Variants in CFAP299 observed in about 807,000 individuals in gnomAD.
The protein encoded by CFAP299 is cilia and flagella associated protein 299.
Under a neutral mutation model 27.0 loss-of-function variants are expected in CFAP299, and 21 were observed. The ratio of observed to expected loss-of-function variants is 0.78; its 90% CI spans 0.55 to 1.12. CFAP299 has a LOEUF of 1.12. CFAP299 is among the 50% of genes most tolerant of loss of function. The pLI is 0.00. For missense variants in CFAP299, 310 were observed against 276.6 expected (o/e 1.12, Z -0.86); for synonymous variants, 104 against 98.1 (o/e 1.06, Z -0.36).
chr4:80,419,163 G>A (rs1727164956), intron 2 of CFAP299, among the ~76,000 whole-genome samples: 1 of 152,192 alleles, frequency 6.6e-6, no homozygotes. Context: ...AAGCTTTAGA[G>A]CAGAAATGAA....
Position 80,532,821 on chromosome 4 carries a change from A to G in CFAP299, c.243-50272A>G, listed in dbSNP as rs180847965. 8.3e-4 allele frequency among the ~76,000 whole-genome samples: 127 copies of G among 152,336 alleles called. 1 individual carries two copies. The highest frequency in any genetic ancestry group is 3.0e-3 in the African/African-American group (124 of 41,578). ...AGTTGCAGACATTGTTCATAAAAGC[A>G]GGAAGAAAACTCTGCAAAGCTAGCA... is the stretch of plus-strand genomic sequence containing the variant. On this transcript the variant is annotated intron_variant, in intron 2 of 5. Coordinates refer to ENST00000358105, the MANE Select transcript of CFAP299 (RefSeq NM_152770.3).
intron 3 of CFAP299, among the ~76,000 whole-genome samples, chr4:80,683,640 G>A: frequency 6.6e-6 from 1 of 152,098 alleles, no homozygotes; most frequent in East Asian, 1.9e-4. Context: ...CTCAAAGTAA[G>A]TCTCTTGTAA....
intron 3 of CFAP299, among the ~76,000 whole-genome samples, chr4:80,644,963 G>A (rs540941849): frequency 1.7e-4 from 26 of 151,976 alleles, no homozygotes; most frequent in Non-Finnish European, 3.5e-4. Context: ...CCGCCTTCTT[G>A]TAAGATTTTA....
chr4:80,502,147 GA>G (rs1303096150), intron 2 of CFAP299, among the ~76,000 whole-genome samples: 3 of 152,086 alleles, frequency 2.0e-5, no homozygotes, highest in Non-Finnish European at 4.4e-5. Flanking sequence ...CTGTGGATCA[GA>G]ATCTAATTTT....
chr4:80,623,077 G>C (rs1738688613), intron 3 of CFAP299, among the ~76,000 whole-genome samples: 1 of 152,030 alleles, frequency 6.6e-6, no homozygotes, highest in Non-Finnish European at 1.5e-5. Flanking sequence ...GATCTCATCA[G>C]GAAGGGAATA....
intron 3 of CFAP299, chr4:80,639,808 G>GGT (rs1739634038): frequency 6.5e-6 from 1 of 153,006 alleles, no homozygotes; most frequent in African/African-American, 2.4e-5. Context: ...GAGTAGCTGG[G>GGT]ATTACAGGCA....
At chr4:80,339,358 T>C (rs1489270786) in intron 1 of CFAP299, among the ~76,000 whole-genome samples, 1 of 152,204 alleles carries the variant, frequency 6.6e-6, no homozygotes, top group Non-Finnish European at 1.5e-5. Context: ...TTTGCTGCCA[T>C]TACCCTGACC....
At chr4:80,826,223 G>A (rs529557782) in intron 3 of CFAP299, among the ~76,000 whole-genome samples, 2 of 151,630 alleles carry the variant, frequency 1.3e-5, no homozygotes, top group African/African-American at 4.8e-5. Context: ...AAGTAGTTAT[G>A]TAATATACAC....
chr4:80,686,893 G>A (rs1435173529), intron 3 of CFAP299, among the ~76,000 whole-genome samples: 1 of 152,074 alleles, frequency 6.6e-6, no homozygotes, highest in Non-Finnish European at 1.5e-5. Context: ...TGACTGATGA[G>A]TCTTATATAC....
intron 3 of CFAP299, among the ~76,000 whole-genome samples, chr4:80,721,572 A>C (rs919677576): frequency 2.0e-5 from 3 of 152,184 alleles, no homozygotes; most frequent in African/African-American, 7.2e-5. Flanking sequence ...TCTATCTCTA[A>C]ATACAATCAT....
At chr4:80,453,503 A>G (rs1728993199) in intron 2 of CFAP299, among the ~76,000 whole-genome samples, 2 of 152,084 alleles carry the variant, frequency 1.3e-5, no homozygotes, top group Admixed American at 6.6e-5. Flanking sequence ...TGCTTTAAAT[A>G]ATTTAATTTT....
chr4:80,697,424 C>A (rs1463146133), intron 3 of CFAP299, among the ~76,000 whole-genome samples: 2 of 152,132 alleles, frequency 1.3e-5, no homozygotes, highest in Non-Finnish European at 2.9e-5. Context: ...ACTCTTATAA[C>A]CCTATTGCCT....
chr4:80,728,256 G>A (rs951036962), intron 3 of CFAP299, among the ~76,000 whole-genome samples: 3 of 151,386 alleles, frequency 2.0e-5, no homozygotes, highest in Non-Finnish European at 4.4e-5. Flanking sequence ...AATAATTTTC[G>A]AGCTGTTTTC....
At chr4:80,641,353 C>T (rs1374181058) in intron 3 of CFAP299, among the ~76,000 whole-genome samples, 1 of 152,006 alleles carries the variant, frequency 6.6e-6, no homozygotes, top group African/African-American at 2.4e-5. Context: ...TACAGGCACA[C>T]ACCACCATGC....
intron 2 of CFAP299, among the ~76,000 whole-genome samples, chr4:80,566,396 C>T (rs1735285485): frequency 1.3e-5 from 2 of 151,996 alleles, no homozygotes; most frequent in South Asian, 4.1e-4. Flanking sequence ...CCTGCAATTC[C>T]TGAAGAATGA....
At chr4:80,404,818 T>C (rs11939741) in intron 2 of CFAP299, among the ~76,000 whole-genome samples, 37,470 of 152,088 alleles carry the variant, frequency 0.25, 4,747 homozygotes, top group South Asian at 0.31. Flanking sequence ...ATTGCTGTAT[T>C]ATAGTATTTT....
At chr4:80,945,073 A>C in intron 5 of CFAP299, 134 bp downstream of exon 5, 1 of 823,684 alleles carries the variant, frequency 1.2e-6, no homozygotes, top group Non-Finnish European at 2.0e-6. Flanking sequence ...TTTGAAACTT[A>C]GAGCATGTAC....
chr4:80,641,410 G>T (rs1739720861), intron 3 of CFAP299, among the ~76,000 whole-genome samples: 1 of 151,912 alleles, frequency 6.6e-6, no homozygotes, highest in African/African-American at 2.4e-5. Flanking sequence ...TCACTATGTT[G>T]GCCAGGCTGG....
intron 3 of CFAP299, among the ~76,000 whole-genome samples, chr4:80,635,574 A>T (rs1352011637): frequency 6.6e-6 from 1 of 152,216 alleles, no homozygotes; most frequent in East Asian, 1.9e-4. Context: ...TCACAGTTTT[A>T]ATATATGTTA....
Sources: gnomAD v4.1 joint callset for allele counts (sites outside exome capture counted in the v4.1 genomes callset) on GRCh38, gnomAD v4.1.1 for gene constraint, MANE v1.5 for transcripts, NCBI Gene and HGNC (gene_info 2026-07-23, HGNC 2026-07-21) for gene names.